The following TAS2R1 variants were observed in gnomAD, a reference collection of about 807,000 sequenced individuals.
TAS2R1 encodes taste receptor type 2 member 1.
For missense variants in TAS2R1, 370 were observed against 353.4 expected (o/e 1.05, Z -0.38); for synonymous variants, 141 against 134.2 (o/e 1.05, Z -0.35).
At chr5:9,697,530 G>C (rs542106716) in intron 1 of TAS2R1, among the ~76,000 whole-genome samples, 5 of 152,062 alleles carry the variant, frequency 3.3e-5, no homozygotes, top group Non-Finnish European at 7.4e-5. Context: ...TACAGATGTT[G>C]AACACAATTC....
At chr5:9,897,388 G>A in the TAS2R1 span, among the ~76,000 whole-genome samples, 10 of 152,340 alleles carry the variant, frequency 6.6e-5, 2 homozygotes, top group East Asian at 1.9e-4. Context: ...GGCAGAGGTT[G>A]CAGTGAGCCG....
the TAS2R1 span, among the ~76,000 whole-genome samples, chr5:9,836,132 G>T: frequency 1.3e-5 from 2 of 151,900 alleles, no homozygotes; most frequent in African/African-American, 2.4e-5. Context: ...TTCCCTGAAC[G>T]AGTTCTCTTC....
chr5:9,768,539 C>T, the TAS2R1 span, among the ~76,000 whole-genome samples: 2 of 152,170 alleles, frequency 1.3e-5, no homozygotes, highest in African/African-American at 2.4e-5. Context: ...TTCTCCTCCA[C>T]CAGTCTCAGC....
chr5:9,663,027 T>C (rs1198364652), intron 1 of TAS2R1, among the ~76,000 whole-genome samples: 1 of 152,226 alleles, frequency 6.6e-6, no homozygotes, highest in Non-Finnish European at 1.5e-5. Flanking sequence ...CTTCTGGTTG[T>C]ACTTTCATCC....
the TAS2R1 span, among the ~76,000 whole-genome samples, chr5:9,734,931 G>A: frequency 6.6e-6 from 1 of 151,464 alleles, no homozygotes; most frequent in East Asian, 1.9e-4. Context: ...ATACTGCTAT[G>A]AAGAACTACC....
chr5:9,687,905 T>C (rs1035351205), intron 1 of TAS2R1, among the ~76,000 whole-genome samples: 4 of 152,158 alleles, frequency 2.6e-5, no homozygotes, highest in Non-Finnish European at 5.9e-5. Context: ...CTGCACCCCA[T>C]GAGGGGGTGA....
chr5:9,867,550 C>T, the TAS2R1 span, among the ~76,000 whole-genome samples: 1 of 152,248 alleles, frequency 6.6e-6, no homozygotes, highest in South Asian at 2.1e-4. Context: ...AATTACTTCC[C>T]ACTAAGTCCC....
chr5:9,697,399 T>TA (rs1323349252), intron 1 of TAS2R1, among the ~76,000 whole-genome samples: 2 of 151,510 alleles, frequency 1.3e-5, no homozygotes, highest in African/African-American at 4.8e-5. Context: ...TTCAGGGCAT[T>TA]AAAAAAAATA....
chr5:9,781,925 T>C, the TAS2R1 span, among the ~76,000 whole-genome samples: 4 of 152,222 alleles, frequency 2.6e-5, no homozygotes, highest in African/African-American at 9.6e-5. Flanking sequence ...ATTGACTCAT[T>C]ACATTTATTG....
chr5:9,898,012 G>A, the TAS2R1 span, among the ~76,000 whole-genome samples: 1 of 152,160 alleles, frequency 6.6e-6, no homozygotes. Context: ...ATGACACGGG[G>A]ACTCACTTCG....
At chr5:9,757,369 C>G in the TAS2R1 span, among the ~76,000 whole-genome samples, 2 of 152,138 alleles carry the variant, frequency 1.3e-5, no homozygotes, top group African/African-American at 4.8e-5. Context: ...ACCACAGATA[C>G]TGATTACAGT....
intron 1 of TAS2R1, among the ~76,000 whole-genome samples, chr5:9,671,856 A>T (rs1740765465): frequency 6.6e-6 from 1 of 151,430 alleles, no homozygotes; most frequent in African/African-American, 2.4e-5. Context: ...CAAAAAAAAT[A>T]ATAATAAAGC....
At chr5:9,898,596 C>G in the TAS2R1 span, among the ~76,000 whole-genome samples, 1 of 152,210 alleles carries the variant, frequency 6.6e-6, no homozygotes, top group Admixed American at 6.5e-5. Flanking sequence ...GGCAAGCAGT[C>G]ATGAAACAAT....
chr5:9,678,917 A>C (rs1740938482), intron 1 of TAS2R1, among the ~76,000 whole-genome samples: 2 of 152,204 alleles, frequency 1.3e-5, no homozygotes, highest in Admixed American at 1.3e-4. Flanking sequence ...TATCCTGCAC[A>C]TGTACCCTGG....
rs10681888 is a variant in TAS2R1 at position 9,681,531 on chromosome 5, C to CAAAAAAA, written c.-241-21957_-241-21951dup. Among the ~76,000 whole-genome samples the CAAAAAAA allele has an allele frequency of 2.4e-4, 21 of 87,872 alleles. 2 individuals are homozygous for CAAAAAAA. The highest frequency in any genetic ancestry group is 4.8e-4 in the South Asian group (1 of 2,088). The allele number at this position is 87,872 out of a possible 152,430, so 57.6% of individuals were successfully genotyped here. On this transcript the variant is annotated intron_variant, in intron 1 of 2. Coordinates refer to the TAS2R1 transcript ENST00000506620. ...TTTCAGGGGACTTCTCATGTTTCTG[C>CAAAAAAA]AAAAAAAAAAAAAAAAAAAGATGCC...
At chr5:9,744,014 C>A in the TAS2R1 span, among the ~76,000 whole-genome samples, 1 of 152,268 alleles carries the variant, frequency 6.6e-6, no homozygotes. Flanking sequence ...TGCCTACTAT[C>A]CGATCACTCA....
chr5:9,801,562 A>G, the TAS2R1 span, among the ~76,000 whole-genome samples: 11 of 152,210 alleles, frequency 7.2e-5, no homozygotes, highest in African/African-American at 2.7e-4. Flanking sequence ...TCACCGTTGC[A>G]GGCTCCCTGA....
the TAS2R1 span, among the ~76,000 whole-genome samples, chr5:9,827,608 AC>A: frequency 2.0e-5 from 3 of 148,710 alleles, no homozygotes. Flanking sequence ...GCACACACAC[AC>A]ACACACACAC....
At chr5:9,786,933 T>C in the TAS2R1 span, among the ~76,000 whole-genome samples, 97 of 152,284 alleles carry the variant, frequency 6.4e-4, no homozygotes, top group Non-Finnish European at 1.1e-3. Context: ...TTGTAAATAT[T>C]TTCCCCTCTC....
Sources: gnomAD v4.1 joint callset for allele counts (sites outside exome capture counted in the v4.1 genomes callset) on GRCh38, gnomAD v4.1.1 for gene constraint, MANE v1.5 for transcripts, NCBI Gene and HGNC (gene_info 2026-07-23, HGNC 2026-07-21) for gene names.